The following EYS variants were observed in gnomAD, a reference collection of about 807,000 sequenced individuals.
EYS encodes protein eyes shut homolog.
EYS carries 250 observed loss-of-function variants against 282.1 expected under a neutral mutation model. The observed-to-expected ratio is 0.89, with a 90% CI of 0.80 to 0.98. EYS has a LOEUF of 0.98. Among genes scored for constraint, EYS ranks in the 50% least tolerant of loss-of-function variants. EYS has a pLI of 0.00. For missense variants in EYS, 4,016 were observed against 3,709.0 expected (o/e 1.08, Z -2.15); for synonymous variants, 1,355 against 1,282.9 (o/e 1.06, Z -1.20).
chr6:64,679,463 C>A (rs1769822270), intron 22 of EYS, among the ~76,000 whole-genome samples: 1 of 152,138 alleles, frequency 6.6e-6, no homozygotes, highest in African/African-American at 2.4e-5. Context: ...TGTTTCCAAT[C>A]TCTTACCATT....
chr6:64,984,383 T>A (rs1412878497), intron 14 of EYS, among the ~76,000 whole-genome samples: 1 of 151,466 alleles, frequency 6.6e-6, no homozygotes, highest in East Asian at 1.9e-4. Context: ...AAGAAGGATA[T>A]ACTGATGATG....
At chr6:64,412,212 T>A (rs960617156) in intron 28 of EYS, among the ~76,000 whole-genome samples, 3 of 152,024 alleles carry the variant, frequency 2.0e-5, no homozygotes, top group Non-Finnish European at 4.4e-5. Context: ...CACAGAATAT[T>A]TTATATTTGT....
At chr6:65,496,624 C>T (rs1198785047) in intron 2 of EYS, among the ~76,000 whole-genome samples, 2 of 151,928 alleles carry the variant, frequency 1.3e-5, no homozygotes, top group Non-Finnish European at 2.9e-5. Context: ...GAGAAGTACA[C>T]CTAATTAACA....
intron 23 of EYS, among the ~76,000 whole-genome samples, chr6:64,620,511 T>C (rs777072599): frequency 4.6e-5 from 7 of 152,174 alleles, no homozygotes; most frequent in Non-Finnish European, 7.3e-5. Flanking sequence ...TTCTGGAAGT[T>C]GTAGTTTTCA....
At chr6:65,216,143 A>G (rs926890819) in intron 12 of EYS, among the ~76,000 whole-genome samples, 11 of 152,128 alleles carry the variant, frequency 7.2e-5, no homozygotes, top group African/African-American at 2.7e-4. Context: ...AAATGTTCAC[A>G]GTTCTTAAAT....
At chr6:65,615,781 A>C (rs1412051585) in intron 2 of EYS, among the ~76,000 whole-genome samples, 1 of 152,018 alleles carries the variant, frequency 6.6e-6, no homozygotes, top group African/African-American at 2.4e-5. Flanking sequence ...AAAAATACAA[A>C]AAATTAGCCG....
chr6:65,566,532 A>G (rs774320303), intron 2 of EYS, among the ~76,000 whole-genome samples: 2 of 152,188 alleles, frequency 1.3e-5, no homozygotes, highest in African/African-American at 2.4e-5. Context: ...TTTCTGCCTT[A>G]AATCTACTTT....
intron 19 of EYS, among the ~76,000 whole-genome samples, chr6:64,837,601 T>G (rs537062884): frequency 3.4e-4 from 51 of 147,990 alleles, no homozygotes; most frequent in African/African-American, 1.2e-3. Flanking sequence ...GATAGATATA[T>G]GATATATATG....
chr6:65,406,363 T>C (rs1766740617), intron 5 of EYS, among the ~76,000 whole-genome samples: 1 of 152,110 alleles, frequency 6.6e-6, no homozygotes, highest in African/African-American at 2.4e-5. Context: ...CTTTCCATTT[T>C]CTCACTTGTT....
intron 12 of EYS, among the ~76,000 whole-genome samples, chr6:65,139,322 T>C (rs1764261716): frequency 6.6e-6 from 1 of 151,996 alleles, no homozygotes; most frequent in South Asian, 2.1e-4. Flanking sequence ...CTAAGCAAAC[T>C]AATACAGGAA....
intron 8 of EYS, among the ~76,000 whole-genome samples, chr6:65,382,040 T>TACCTC (rs1765630035): frequency 2.0e-5 from 3 of 151,898 alleles, no homozygotes; most frequent in African/African-American, 7.2e-5. Flanking sequence ...ATGATTATGT[T>TACCTC]TATTTCTAAT....
rs577471862 is a variant in EYS, at chr6:63,791,109, T to C, written c.7412-1885A>G. 9.2e-4 allele frequency among the ~76,000 whole-genome samples: 140 copies of C among 151,528 alleles called. 1 individual carries two copies. Among genetic ancestry groups the C allele is most frequent in the South Asian group, 1.5e-3 (7 of 4,778 alleles). On this transcript the variant is annotated intron_variant, in intron 37 of 42. Transcript: ENST00000503581. Reference sequence around the variant, plus strand: ...CATTAAGACATGGTGAGGAAGAGGGTTAGGAAAGCAAAAAGGTGGTTTTTG... The same window carrying C: ...CATTAAGACATGGTGAGGAAGAGGGCTAGGAAAGCAAAAAGGTGGTTTTTG...
intron 26 of EYS, among the ~76,000 whole-genome samples, chr6:64,558,331 T>C (rs1214994792): frequency 6.6e-6 from 1 of 152,086 alleles, no homozygotes; most frequent in African/African-American, 2.4e-5. Flanking sequence ...TCTGTAGACA[T>C]TGTTCATTGG....
At chr6:65,451,966 G>A (rs1423039534) in intron 5 of EYS, among the ~76,000 whole-genome samples, 1 of 151,628 alleles carries the variant, frequency 6.6e-6, no homozygotes, top group African/African-American at 2.4e-5. Flanking sequence ...TGTTTTAAAG[G>A]AAAATTAATT....
At position 63,778,167 on chromosome 6, in the gene EYS, A is replaced by C. The variant is rs191846522; in HGVS notation, c.7737T>G (p.Thr2579=). 6.4e-7 allele frequency: 1 copy of C among 1,551,870 alleles called. No homozygotes were observed. The highest frequency in any genetic ancestry group is 2.4e-5 in the East Asian group (1 of 40,918). ...CATCCTTCTCAGTGCGAACTTGAAG[A>C]GTGAAAATACAGCCTTGAAGAAATG... ...FKNGFQGCIF[T]LQVRTEKDGH... is the part of the protein sequence containing the mutation. The change falls in exon 40 of 43, where the codon ACT becomes ACG. Residue 2579 remains threonine, a synonymous_variant. Coordinates refer to ENST00000503581, the MANE Select transcript of EYS (RefSeq NM_001142800.2).
At chr6:64,135,284 A>G (rs1469269845) in intron 31 of EYS, among the ~76,000 whole-genome samples, 1 of 152,052 alleles carries the variant, frequency 6.6e-6, no homozygotes, top group Non-Finnish European at 1.5e-5. Flanking sequence ...GATCCTCAAG[A>G]AATTCAGAAA....
chr6:63,737,938 C>T (rs1480344456), intron 41 of EYS, among the ~76,000 whole-genome samples: 13 of 151,640 alleles, frequency 8.6e-5, no homozygotes, highest in African/African-American at 2.7e-4. Flanking sequence ...CATGAACAGA[C>T]ACTTCTCAAA....
intron 35 of EYS, among the ~76,000 whole-genome samples, chr6:63,938,841 A>G (rs1765149579): frequency 6.6e-6 from 1 of 152,242 alleles, no homozygotes; most frequent in East Asian, 1.9e-4. Flanking sequence ...GAGTTGGATG[A>G]GCACATATTT....
rs548007963 is a variant in EYS at position 64,077,366 on chromosome 6, C to T, written c.6571+4490G>A. Among the ~76,000 whole-genome samples the T allele has an allele frequency of 5.9e-5, 9 of 152,004 alleles. No individual in the cohort carries two copies. In the South Asian group the frequency reaches 1.9e-3, roughly 31 times the overall value. ...TCTAATGAAGATGTTATATATTCTGCTGGAAATCATTTTATAGGGAAAGGC... is the reference window on the plus strand; with the variant it reads ...TCTAATGAAGATGTTATATATTCTGTTGGAAATCATTTTATAGGGAAAGGC... On this transcript the variant is annotated intron_variant, in intron 32 of 42. Coordinates refer to ENST00000503581, the MANE Select transcript of EYS (RefSeq NM_001142800.2).
Sources: allele counts gnomAD v4.1 joint callset (sites outside exome capture counted in the v4.1 genomes callset), GRCh38; gene constraint gnomAD v4.1.1; transcripts MANE v1.5; gene names NCBI Gene and HGNC (gene_info 2026-07-23, HGNC 2026-07-21).